The following DNAH17 variants were observed in gnomAD, a reference collection of about 807,000 sequenced individuals.
The protein encoded by DNAH17 is axonemal beta dynein heavy chain 17.
Under a neutral mutation model 485.6 loss-of-function variants are expected in DNAH17, and 376 were observed. The ratio of observed to expected loss-of-function variants is 0.77; its 90% confidence interval spans 0.71 to 0.84. The LOEUF (loss-of-function observed/expected upper bound fraction) is 0.84, where lower values mean the gene tolerates loss of function less well. Among genes scored for constraint, DNAH17 ranks in the 40% least tolerant of loss-of-function variants. The pLI, the probability that DNAH17 is intolerant of heterozygous loss-of-function variation, is 0.00. For missense variants in DNAH17, 6,370 were observed against 5,839.3 expected (o/e 1.09, Z -2.96); for synonymous variants, 3,031 against 2,405.9 (o/e 1.26, Z -7.60).
intron 66 of DNAH17, 103 bp from the exon 67 acceptor site, chr17:78,450,949 G>T: frequency 6.9e-7 from 1 of 1,443,856 alleles, no homozygotes; most frequent in Non-Finnish European, 9.5e-7. Flanking sequence ...CCCAGGCTTT[G>T]AGCGGGAGGA....
intron 75 of DNAH17, among the ~76,000 whole-genome samples, chr17:78,433,128 G>C (rs927998158): frequency 2.6e-5 from 4 of 152,202 alleles, no homozygotes; most frequent in Non-Finnish European, 4.4e-5. Context: ...TGAGGAGGAG[G>C]ACCCAGGGTT....
At position 78,453,386 on chromosome 17, in the gene DNAH17, C is replaced by G; in HGVS notation, c.10486G>C (p.Val3496Leu). 1 of 1,613,756 alleles carries G rather than the reference C, an allele frequency of 6.2e-7. No homozygotes were observed. Among genetic ancestry groups the G allele is most frequent in the Non-Finnish European group, 8.5e-7 (1 of 1,179,780 alleles). The change falls in exon 65 of 81, where the codon GTG becomes CTG. Residue 3496 changes from valine to leucine, a missense_variant. Transcript: ENST00000389840. ...IENIGETVDPVLDPLLGRNTI... is the reference protein window; with the variant it reads ...IENIGETVDPLLDPLLGRNTI... ...TTCCTGCCCAGTAGAGGGTCCAGCACGGGGTCCACGGTTTCGCCGATGTTC... is the reference window on the plus strand; with the variant it reads ...TTCCTGCCCAGTAGAGGGTCCAGCAGGGGGTCCACGGTTTCGCCGATGTTC...
chr17:78,479,661 C>T (rs1384935756), intron 49 of DNAH17, 29 bp from the exon 50 acceptor site: 9 of 1,609,978 alleles, frequency 5.6e-6, no homozygotes, highest in Non-Finnish European at 7.6e-6. Context: ...ACACTCCAGT[C>T]AGCCAGCTCT....
intron 11 of DNAH17, among the ~76,000 whole-genome samples, chr17:78,565,339 TG>T (rs1157102915): frequency 4.6e-5 from 7 of 152,274 alleles, no homozygotes; most frequent in African/African-American, 1.7e-4. Flanking sequence ...ATATTTTGCC[TG>T]GAACACCAAC....
At chr17:78,544,282 A>T (rs948881539) in intron 16 of DNAH17, among the ~76,000 whole-genome samples, 25 of 152,156 alleles carry the variant, frequency 1.6e-4, no homozygotes, top group African/African-American at 4.6e-4. Flanking sequence ...GAATGGGGTC[A>T]CTCTCAGGAA....
At chr17:78,522,505 CGAG>C in intron 25 of DNAH17, 1 of 334,430 alleles carries the variant, frequency 3.0e-6, no homozygotes, top group South Asian at 2.6e-5. Context: ...AGGGGCCTCA[CGAG>C]GAGGGACAAG....
intron 57 of DNAH17, among the ~76,000 whole-genome samples, chr17:78,462,310 G>T (rs1360175176): frequency 6.6e-6 from 1 of 151,996 alleles, no homozygotes; most frequent in Non-Finnish European, 1.5e-5. Flanking sequence ...GCAAGTGGGA[G>T]GTCCCAGTCT....
At position 78,475,416 on chromosome 17, in the gene DNAH17, C is replaced by T; in HGVS notation, c.8373G>A (p.Glu2791=). Residue 2791 remains glutamate, a synonymous_variant, in exon 54 of 81, where the codon GAG becomes GAA. Transcript: ENST00000389840. The part of the protein sequence containing the change: ...AHICRINRIL[E]SPRGNALLVG... Reference sequence around the variant, plus strand: ...CCAGCAGGGCATTCCCCCGGGGAGACTCCAGGATGCGATTAATCCTGCAGA... The same window carrying T: ...CCAGCAGGGCATTCCCCCGGGGAGATTCCAGGATGCGATTAATCCTGCAGA... 1 of 1,613,906 alleles carries T rather than the reference C, an allele frequency of 6.2e-7. No individual in the cohort carries two copies. The highest frequency in any genetic ancestry group is 8.5e-7 in the Non-Finnish European group (1 of 1,179,882).
chr17:78,497,451 G>A (rs917664551), intron 37 of DNAH17, among the ~76,000 whole-genome samples: 1 of 152,248 alleles, frequency 6.6e-6, no homozygotes. Flanking sequence ...ACCGCTTCCA[G>A]CTAGGCCAAG....
chr17:78,437,647 G>C lies in DNAH17; in HGVS notation c.12027C>G (p.Phe4009Leu). The C allele has an allele frequency of 6.2e-7, 1 of 1,606,008 alleles. No homozygotes were observed. The highest frequency in any genetic ancestry group is 8.5e-7 in the Non-Finnish European group (1 of 1,175,794). ...CGAGCAGGCGTGGCCCTACCTGGGT[G>C]AACAGGTCCAGGGCCTTGTGCAAGT... ...HANLHKALDL[F>L]TQDTLEMCTK... Residue 4009 changes from phenylalanine (F) to leucine (L), a missense_variant, in exon 74 of 81, where the codon TTC becomes TTG. By Grantham distance (22) the Phe-to-Leu change is conservative. Coordinates refer to ENST00000389840, the MANE Select transcript of DNAH17 (RefSeq NM_173628.4).
intron 26 of DNAH17, among the ~76,000 whole-genome samples, chr17:78,511,406 G>A (rs889980406): frequency 2.6e-5 from 4 of 152,072 alleles, no homozygotes; most frequent in Admixed American, 6.6e-5. Context: ...CCGCACCCCC[G>A]GCTAGATCTG....
intron 3 of DNAH17, among the ~76,000 whole-genome samples, chr17:78,572,311 A>G (rs1290096674): frequency 6.6e-6 from 1 of 152,118 alleles, no homozygotes; most frequent in African/African-American, 2.4e-5. Flanking sequence ...GTACCTGCTG[A>G]GAGTCCCTCC....
Position 78,427,127 on chromosome 17 carries a change from A to T in DNAH17, c.12589-19T>A. 1 of 1,559,344 alleles carries T rather than the reference A, an allele frequency of 6.4e-7. No homozygotes were observed. The highest frequency in any genetic ancestry group is 8.7e-7 in the Non-Finnish European group (1 of 1,151,882). On this transcript the variant is annotated intron_variant, in intron 77 of 80. Coordinates refer to ENST00000389840, the MANE Select transcript of DNAH17 (RefSeq NM_173628.4). Reference sequence around the variant, plus strand: ...CCTTCACCTGGAAGCCAGTCCCCGGACAGCCCCTGTCACTGCAAAGAGCCC... The same window carrying T: ...CCTTCACCTGGAAGCCAGTCCCCGGTCAGCCCCTGTCACTGCAAAGAGCCC...
intron 54 of DNAH17, 103 bp from the exon 55 acceptor site, chr17:78,468,986 CG>C: frequency 2.8e-6 from 4 of 1,404,070 alleles, no homozygotes; most frequent in Non-Finnish European, 3.8e-6. Context: ...TTCTTTGAGA[CG>C]GAGTCTCGCT....
chr17:78,471,425 G>A (rs2146577010), intron 54 of DNAH17, among the ~76,000 whole-genome samples: 2 of 152,344 alleles, frequency 1.3e-5, no homozygotes, highest in Middle Eastern at 6.8e-3. Flanking sequence ...AGCCAGCAAT[G>A]ACCTTGAGTC....
chr17:78,433,983 AAGAG>A, intron 75 of DNAH17, 42 bp downstream of exon 75: 1 of 927,046 alleles, frequency 1.1e-6, no homozygotes, highest in African/African-American at 2.5e-5. Context: ...GAAGGAGGGA[AAGAG>A]GGAGGGATAT....
At chr17:78,433,982 A>C in intron 75 of DNAH17, 47 bp downstream of exon 75, 1 of 1,483,584 alleles carries the variant, frequency 6.7e-7, no homozygotes, top group African/African-American at 1.4e-5. Flanking sequence ...GGAAGGAGGG[A>C]AAGAGGGAGG....
chr17:78,571,572 G>A lies in DNAH17; in HGVS notation c.732+18C>T. ...GCTGGGACGAGGCTGCAGCCCCACA[G>A]GAGAGAGGAGGCCGTACCTGTTCAT... is the stretch of plus-strand genomic sequence containing the variant. On this transcript the variant is annotated intron_variant, in intron 4 of 80. Transcript: ENST00000389840. 2 of 1,613,446 alleles carry A rather than the reference G, an allele frequency of 1.2e-6. No homozygotes were observed. The highest frequency in any genetic ancestry group is 1.7e-6 in the Non-Finnish European group (2 of 1,179,662).
At position 78,532,483 on chromosome 17, in the gene DNAH17, T is replaced by C. The variant is rs932965198; in HGVS notation, c.3113A>G (p.Gln1038Arg). 5.6e-6 allele frequency: 9 copies of C among 1,609,346 alleles called. No homozygotes were observed. The African/African-American group carries it at 9.3e-5, about 17-fold the overall frequency. Residue 1038 changes from glutamine (Q) to arginine (R), a missense_variant and splice_region_variant, in exon 20 of 81, where the codon CAG becomes CGG. Transcript: ENST00000389840. ...CTGGTGGGTGAGGTCTGCACGCACC[T>C]GCTCCTGGAACTGAGCCAGGGTGGG... ...TPPTLAQFQE[Q>R]IDSYEKLYEE...
Sources: gnomAD v4.1 joint callset for allele counts (sites outside exome capture counted in the v4.1 genomes callset) on GRCh38, gnomAD v4.1.1 for gene constraint, MANE v1.5 for transcripts, NCBI Gene and HGNC (gene_info 2026-07-23, HGNC 2026-07-21) for gene names.